Variants in PLEKHA7 observed in about 807,000 individuals in gnomAD.
The protein encoded by PLEKHA7 is pleckstrin homology domain containing A7.
Under a neutral mutation model 170.0 loss-of-function variants are expected in PLEKHA7, and 104 were observed. That is an observed-to-expected ratio of 0.61 (90% CI 0.52 to 0.72). The LOEUF (loss-of-function observed/expected upper bound fraction) is 0.72. Among genes scored for constraint, PLEKHA7 ranks in the 30% least tolerant of loss-of-function variants. The pLI is 0.00. For missense variants in PLEKHA7, 1,615 were observed against 1,671.7 expected (o/e 0.97, Z 0.59); for synonymous variants, 648 against 660.8 (o/e 0.98, Z 0.30).
At chr11:16,934,927 T>C (rs943967477) in intron 3 of PLEKHA7, among the ~76,000 whole-genome samples, 1 of 152,258 alleles carries the variant, frequency 6.6e-6, no homozygotes, top group Non-Finnish European at 1.5e-5. Context: ...GTATTTTTCA[T>C]ACTTTTCTGT....
At chr11:16,869,462 T>C (rs1015969001) in intron 4 of PLEKHA7, among the ~76,000 whole-genome samples, 6 of 152,228 alleles carry the variant, frequency 3.9e-5, no homozygotes, top group African/African-American at 1.4e-4. Flanking sequence ...TCTAAAATGG[T>C]GATGGTCTAT....
At chr11:16,909,225 G>A (rs1858077198) in intron 3 of PLEKHA7, among the ~76,000 whole-genome samples, 2 of 152,120 alleles carry the variant, frequency 1.3e-5, no homozygotes, top group Admixed American at 6.6e-5. Context: ...CATCCTAGCG[G>A]GAGAAAATGT....
rs191106100 is a variant in PLEKHA7, at chr11:16,894,049, G to C, written c.222-22867C>G. On this transcript the variant is annotated intron_variant, in intron 3 of 26. Transcript: ENST00000531066. ...CTCTTTCCAACTGCCCCTTCTACTG[G>C]TCCTCTAGCAATGGAATACCAGAGT... is the stretch of plus-strand genomic sequence containing the variant. Among the ~76,000 whole-genome samples, 3 of 152,230 alleles carry C rather than the reference G, an allele frequency of 2.0e-5. No individual in the cohort carries two copies. In the East Asian group the frequency reaches 5.8e-4, roughly 29 times the overall value.
chr11:16,779,139 C>T, intron 26 of PLEKHA7, 119 bp from the exon 27 acceptor site: 1 of 686,242 alleles, frequency 1.5e-6, no homozygotes, highest in Non-Finnish European at 2.7e-6. Flanking sequence ...GGGGCTCTGG[C>T]AATGCGGCCG....
At chr11:16,865,451 G>A (rs1195555403) in intron 4 of PLEKHA7, among the ~76,000 whole-genome samples, 2 of 152,248 alleles carry the variant, frequency 1.3e-5, no homozygotes, top group Middle Eastern at 3.4e-3. Context: ...TAGGCCAGGC[G>A]GGTGGCTCAT....
intron 3 of PLEKHA7, among the ~76,000 whole-genome samples, chr11:16,961,123 C>T (rs1314929024): frequency 6.6e-6 from 1 of 152,156 alleles, no homozygotes; most frequent in Non-Finnish European, 1.5e-5. Flanking sequence ...TTTCCAAATC[C>T]AAAACACAAA....
intron 3 of PLEKHA7, among the ~76,000 whole-genome samples, chr11:16,879,228 C>T (rs1855532596): frequency 6.6e-6 from 1 of 152,190 alleles, no homozygotes; most frequent in African/African-American, 2.4e-5. Flanking sequence ...TCCCTGTCCC[C>T]TCCCTTCAAG....
intron 11 of PLEKHA7, 93 bp from the exon 12 acceptor site, chr11:16,816,357 C>A (rs10832685): frequency 0.12 from 103,197 of 837,708 alleles, 7,335 homozygotes; most frequent in Admixed American, 0.25. Context: ...CCTCTGAGCC[C>A]CAGACTTCTC....
intron 3 of PLEKHA7, among the ~76,000 whole-genome samples, chr11:16,872,952 A>G (rs1321871618): frequency 6.6e-6 from 1 of 152,186 alleles, no homozygotes; most frequent in Non-Finnish European, 1.5e-5. Flanking sequence ...ATACTCTTCT[A>G]ATGCTAGATA....
chr11:16,810,498 T>C (rs549333230), intron 13 of PLEKHA7, among the ~76,000 whole-genome samples: 18 of 152,344 alleles, frequency 1.2e-4, no homozygotes, highest in Middle Eastern at 3.4e-3. Flanking sequence ...GCCAAGCCTC[T>C]TCCAGGCTGC....
chr11:16,940,921 A>G (rs1273942221), intron 3 of PLEKHA7, among the ~76,000 whole-genome samples: 2 of 152,034 alleles, frequency 1.3e-5, no homozygotes, highest in Non-Finnish European at 2.9e-5. Flanking sequence ...TATCTATTCC[A>G]TCCCCTAGGG....
intron 6 of PLEKHA7, among the ~76,000 whole-genome samples, chr11:16,854,032 C>G (rs1474834891): frequency 2.6e-5 from 4 of 152,246 alleles, no homozygotes; most frequent in Non-Finnish European, 2.9e-5. Context: ...CTATCTGCTT[C>G]TCCTGGTAGC....
chr11:16,960,245 G>T (rs1861969913), intron 3 of PLEKHA7, among the ~76,000 whole-genome samples: 1 of 152,172 alleles, frequency 6.6e-6, no homozygotes, highest in South Asian at 2.1e-4. Context: ...TCCACAGCCA[G>T]GACCCAAGTC....
intron 8 of PLEKHA7, among the ~76,000 whole-genome samples, chr11:16,848,363 C>T (rs1255827063): frequency 6.6e-6 from 1 of 152,250 alleles, no homozygotes; most frequent in African/African-American, 2.4e-5. Flanking sequence ...AAAACCATGC[C>T]TCTTGGCATG....
At chr11:16,780,988 G>C (rs540382547) in intron 26 of PLEKHA7, 2 of 986,064 alleles carry the variant, frequency 2.0e-6, no homozygotes, top group Non-Finnish European at 2.4e-6. Flanking sequence ...TGGTAAAAGG[G>C]GGGTAAGGTG....
At chr11:16,807,921 A>C (rs772268261) in intron 13 of PLEKHA7, among the ~76,000 whole-genome samples, 3 of 152,218 alleles carry the variant, frequency 2.0e-5, no homozygotes, top group Non-Finnish European at 4.4e-5. Flanking sequence ...AGTGATTCGA[A>C]TATGCAGCCA....
intron 10 of PLEKHA7, among the ~76,000 whole-genome samples, chr11:16,824,169 A>G (rs1046010559): frequency 1.3e-5 from 2 of 152,204 alleles, no homozygotes; most frequent in African/African-American, 4.8e-5. Context: ...GTTAGATAGA[A>G]TCAATAAGAG....
intron 3 of PLEKHA7, among the ~76,000 whole-genome samples, chr11:16,899,590 C>A (rs1016636769): frequency 1.3e-5 from 2 of 152,162 alleles, no homozygotes; most frequent in African/African-American, 4.8e-5. Context: ...GGGTAATTTT[C>A]TCTGCCAACT....
At chr11:16,957,977 A>G (rs1042000246) in intron 3 of PLEKHA7, among the ~76,000 whole-genome samples, 1 of 151,938 alleles carries the variant, frequency 6.6e-6, no homozygotes, top group South Asian at 2.1e-4. Context: ...TGCTGGGATT[A>G]CAGGTGTGAG....
Sources: allele counts gnomAD v4.1 joint callset (sites outside exome capture counted in the v4.1 genomes callset), GRCh38; gene constraint gnomAD v4.1.1; transcripts MANE v1.5; gene names NCBI Gene and HGNC (gene_info 2026-07-23, HGNC 2026-07-21).